The following CHAC2 variants were observed in gnomAD, a reference collection of about 807,000 sequenced individuals.
The protein encoded by CHAC2 is ChaC glutathione specific gamma-glutamylcyclotransferase 2, also known as glutathione-specific gamma-glutamylcyclotransferase 2.
Under a neutral mutation model 16.9 loss-of-function variants are expected in CHAC2, and 20 were observed. The ratio of observed to expected loss-of-function variants is 1.18; its 90% CI spans 0.83 to 1.72. CHAC2 has a LOEUF of 1.72. CHAC2 is among the 40% of genes most tolerant of loss of function. CHAC2 has a pLI of 0.00. For missense variants in CHAC2, 269 were observed against 222.2 expected (o/e 1.21, Z -1.34); for synonymous variants, 91 against 77.3 (o/e 1.18, Z -0.93).
chr2:53,774,439 C>G lies in CHAC2; in HGVS notation c.469C>G (p.Pro157Ala). Residue 157 changes from proline (P) to alanine (A), a missense_variant, in exon 3 of 3, where the codon CCA becomes GCA. Physicochemically the swap from Pro to Ala is conservative, Grantham distance 27. Transcript: ENST00000295304. The part of the protein sequence containing the change: ...ELANSIRNLV[P>A]EEADEHLFAL... Reference sequence around the variant, plus strand: ...TGCAAATTCTATTAGGAACCTTGTGCCAGAAGAAGCAGATGAGCATCTTTT... The same window carrying G: ...TGCAAATTCTATTAGGAACCTTGTGGCAGAAGAAGCAGATGAGCATCTTTT... 1 of 1,608,436 alleles carries G rather than the reference C, an allele frequency of 6.2e-7. No individual in the cohort carries two copies. Among genetic ancestry groups the G allele is most frequent in the Non-Finnish European group, 8.5e-7 (1 of 1,178,392 alleles).
In CHAC2 at chr2:53,771,949, TATAA is replaced by T. The variant is rs1442753782; in HGVS notation, c.171+11_171+14del. On this transcript the variant is annotated splice_region_variant and intron_variant, in intron 2 of 2. Transcript: ENST00000295304. Reference sequence around the variant, plus strand: ...TCTTGTTGAAGATCCTGCGGTATGGTATAAATATTCTTTTTTGTATAATTTTAAT... The same window carrying T: ...TCTTGTTGAAGATCCTGCGGTATGGTATATTCTTTTTTGTATAATTTTAAT... 1 of 1,475,390 alleles carries T rather than the reference TATAA, an allele frequency of 6.8e-7. No individual in the cohort carries two copies. Among genetic ancestry groups the T allele is most frequent in the Non-Finnish European group, 9.2e-7 (1 of 1,087,034 alleles). The allele number at this position is 1,475,390 out of a possible 1,614,324, so 91.4% of individuals were successfully genotyped here. A position where few individuals can be genotyped will look rare whatever the true frequency, so the allele number is the denominator to read the frequency against.
chr2:53,769,522 G>A (rs977312198), intron 1 of CHAC2, among the ~76,000 whole-genome samples: 3 of 152,152 alleles, frequency 2.0e-5, no homozygotes, highest in African/African-American at 7.2e-5. Flanking sequence ...AAATTGCCTA[G>A]TCAACACAAC....
At position 53,774,316 on chromosome 2, in the gene CHAC2, C is replaced by T. The variant is rs747633381; in HGVS notation, c.346C>T (p.Pro116Ser). 1 of 1,613,782 alleles carries T rather than the reference C, an allele frequency of 6.2e-7. No individual in the cohort carries two copies. The highest frequency in any genetic ancestry group is 8.5e-7 in the Non-Finnish European group (1 of 1,179,914). The change falls in exon 3 of 3, where the codon CCT (proline) becomes TCT (serine). Residue 116 changes from proline to serine, a missense_variant. Physicochemically the swap from Pro to Ser is moderately conservative, Grantham distance 74. Transcript: ENST00000295304. ...VLLYIGTCDN[P>S]DYLGPAPLED... The stretch of plus-strand genomic sequence containing the variant: ...GCTATATATTGGAACATGTGATAAT[C>T]CTGATTATCTTGGTCCTGCACCTCT...
intron 2 of CHAC2, among the ~76,000 whole-genome samples, chr2:53,773,053 A>G (rs1019093488): frequency 6.6e-6 from 1 of 152,206 alleles, no homozygotes; most frequent in Admixed American, 6.5e-5. Flanking sequence ...TTTAATAAAC[A>G]AAAATCAAGC....
At position 53,768,266 on chromosome 2, in the gene CHAC2, G is replaced by A. The variant is rs563265112; in HGVS notation, c.135+245G>A. 1.4e-4 allele frequency: 62 copies of A among 459,006 alleles called. No individual in the cohort carries two copies. The East Asian group carries it at 2.1e-3, about 16-fold the overall frequency. 28.4% of individuals were successfully genotyped at this position (459,006 alleles called of 1,614,324 possible). A position where few individuals can be genotyped will look rare whatever the true frequency, so the allele number is the denominator to read the frequency against. ...GTCTCTAGAGACGGCGAGAAGCGCGGGCACAGGCGCACGAGCTCGCACCAG... is the reference window on the plus strand; with the variant it reads ...GTCTCTAGAGACGGCGAGAAGCGCGAGCACAGGCGCACGAGCTCGCACCAG... On this transcript the variant is annotated intron_variant, in intron 1 of 2. Coordinates refer to ENST00000295304, the MANE Select transcript of CHAC2 (RefSeq NM_001008708.4).
At chr2:53,772,532 T>C (rs1325511923) in intron 2 of CHAC2, among the ~76,000 whole-genome samples, 1 of 151,998 alleles carries the variant, frequency 6.6e-6, no homozygotes, top group African/African-American at 2.4e-5. Context: ...CCTTTGACAT[T>C]AACGGAAATA....
intron 2 of CHAC2, among the ~76,000 whole-genome samples, chr2:53,772,926 C>T (rs975059437): frequency 3.3e-5 from 5 of 151,966 alleles, no homozygotes; most frequent in Admixed American, 2.6e-4. Flanking sequence ...GTTTGGAGCA[C>T]CAGAAAGTTT....
intron 2 of CHAC2, 60 bp downstream of exon 2, chr2:53,772,002 T>C (rs1452738092): frequency 5.3e-6 from 5 of 950,358 alleles, no homozygotes; most frequent in South Asian, 1.6e-5. Context: ...GCGATGTTTC[T>C]GTTTCAATTT....
chr2:53,772,409 C>T (rs1338144367), intron 2 of CHAC2, among the ~76,000 whole-genome samples: 1 of 152,098 alleles, frequency 6.6e-6, no homozygotes, highest in African/African-American at 2.4e-5. Context: ...CTCCCGACCT[C>T]GTGATCCGCC....
intron 1 of CHAC2, chr2:53,768,259 A>ATGGTT: frequency 2.1e-6 from 1 of 472,162 alleles, no homozygotes; most frequent in Non-Finnish European, 3.7e-6. Flanking sequence ...AGACGGCGAG[A>ATGGTT]AGCGCGGGCA....
rs1033782465 is a variant in CHAC2, at chr2:53,774,811, A to C, written c.*286A>C. The C allele has an allele frequency of 8.1e-6, 2 of 248,120 alleles. No individual in the cohort carries two copies. Among genetic ancestry groups the C allele is most frequent in the Non-Finnish European group, 1.5e-5 (2 of 131,164 alleles). 15.4% of individuals were successfully genotyped at this position (248,120 alleles called of 1,614,324 possible). On this transcript the variant is annotated 3_prime_UTR_variant, in exon 3 of 3. Coordinates refer to ENST00000295304, the MANE Select transcript of CHAC2 (RefSeq NM_001008708.4). ...CTCAGTTCAGTCTTGTTTTTATCAGAGTGATAATCATCCTGTTTCACATCC... is the reference window on the plus strand; with the variant it reads ...CTCAGTTCAGTCTTGTTTTTATCAGCGTGATAATCATCCTGTTTCACATCC...
chr2:53,771,847 C>A, intron 1 of CHAC2, 60 bp from the exon 2 acceptor site: 1 of 900,476 alleles, frequency 1.1e-6, no homozygotes. Flanking sequence ...GTTGCTAATG[C>A]TCAGCTACTT....
chr2:53,774,300 T>C lies in CHAC2; in HGVS notation c.330T>C (p.Ile110=), dbSNP rs1348573320. 1 of 1,614,012 alleles carries C rather than the reference T, an allele frequency of 6.2e-7. No individual in the cohort carries two copies. Among genetic ancestry groups the C allele is most frequent in the Admixed American group, 1.7e-5 (1 of 59,990 alleles). The part of the protein sequence containing the change: ...TTKPFSVLLY[I]GTCDNPDYLG... ...AACCATTCAGTGTATTGCTATATAT[T>C]GGAACATGTGATAATCCTGATTATC... Residue 110 remains isoleucine (I), a synonymous_variant, in exon 3 of 3, where the codon ATT becomes ATC. Coordinates refer to ENST00000295304, the MANE Select transcript of CHAC2 (RefSeq NM_001008708.4).
Position 53,772,121 on chromosome 2 carries a change from G to A in CHAC2, c.171+179G>A, listed in dbSNP as rs114226147. On this transcript the variant is annotated intron_variant, in intron 2 of 2. Transcript: ENST00000295304. ...AAACTGAGGCCAATAAGAAAAGTTAGAATGCAGAGTGCAAGGTAGACAACA... is the reference window on the plus strand; with the variant it reads ...AAACTGAGGCCAATAAGAAAAGTTAAAATGCAGAGTGCAAGGTAGACAACA... Among the ~76,000 whole-genome samples the A allele has an allele frequency of 6.3e-3, 953 of 152,214 alleles. 9 individuals are homozygous for A. The highest frequency in any genetic ancestry group is 0.022 in the African/African-American group (907 of 41,518).
In CHAC2 at chr2:53,767,949, G is replaced by A. The variant is rs1189105206; in HGVS notation, c.63G>A (p.Leu21=). ...TGGATTTCCCCTATCAGGACAAGCTGGTCGGATACATCACCAACTACAGCA... is the reference window on the plus strand; with the variant it reads ...TGGATTTCCCCTATCAGGACAAGCTAGTCGGATACATCACCAACTACAGCA... The part of the protein sequence containing the change: ...WKVDFPYQDK[L]VGYITNYSRR... The change falls in exon 1 of 3, where the codon CTG becomes CTA. Residue 21 remains leucine (L), a synonymous_variant. Transcript: ENST00000295304. 1 of 1,614,108 alleles carries A rather than the reference G, an allele frequency of 6.2e-7. No homozygotes were observed. Among genetic ancestry groups the A allele is most frequent in the South Asian group, 1.1e-5 (1 of 91,072 alleles).
chr2:53,774,610 G>A lies in CHAC2; in HGVS notation c.*85G>A. ...ACTTAAAGATCTTATTTTTAATGTAGTGAGGATATTATTTAAACTTTTATT... is the reference window on the plus strand; with the variant it reads ...ACTTAAAGATCTTATTTTTAATGTAATGAGGATATTATTTAAACTTTTATT... On this transcript the variant is annotated 3_prime_UTR_variant, in exon 3 of 3. Transcript: ENST00000295304. 2 of 993,468 alleles carry A rather than the reference G, an allele frequency of 2.0e-6. No homozygotes were observed. The highest frequency in any genetic ancestry group is 2.9e-6 in the Non-Finnish European group (2 of 697,578). The allele number at this position is 993,468 out of a possible 1,614,324, so 61.5% of individuals were successfully genotyped here. A position where few individuals can be genotyped will look rare whatever the true frequency, so the allele number is the denominator to read the frequency against.
chr2:53,772,789 C>T (rs1674034814), intron 2 of CHAC2, among the ~76,000 whole-genome samples: 1 of 152,098 alleles, frequency 6.6e-6, no homozygotes, highest in Admixed American at 6.5e-5. Flanking sequence ...GTTTGTTGTA[C>T]AGATTATTTC....
intron 2 of CHAC2, among the ~76,000 whole-genome samples, chr2:53,773,554 C>A (rs899645672): frequency 6.6e-6 from 1 of 152,086 alleles, no homozygotes; most frequent in Non-Finnish European, 1.5e-5. Flanking sequence ...CCTCAGCCTC[C>A]TGAGTAGCTG....
At chr2:53,772,424 T>G (rs1674002961) in intron 2 of CHAC2, among the ~76,000 whole-genome samples, 1 of 152,182 alleles carries the variant, frequency 6.6e-6, no homozygotes, top group African/African-American at 2.4e-5. Context: ...TCCGCCCGCC[T>G]TGGCCTCCCA....
Sources: allele counts gnomAD v4.1 joint callset (sites outside exome capture counted in the v4.1 genomes callset), GRCh38; gene constraint gnomAD v4.1.1; transcripts MANE v1.5; gene names NCBI Gene and HGNC (gene_info 2026-07-23, HGNC 2026-07-21).